ATP13A5: variants seen among roughly 807,000 people sequenced by gnomAD.
The protein encoded by ATP13A5 is probable cation-transporting ATPase 13A5.
A neutral mutation model predicts 150.2 loss-of-function variants in ATP13A5; 149 were observed. That is an observed-to-expected ratio of 0.99 (90% CI 0.87 to 1.14). The LOEUF (loss-of-function observed/expected upper bound fraction) is 1.14. ATP13A5 is among the 50% of genes most tolerant of loss of function. The pLI, the probability that ATP13A5 is intolerant of heterozygous loss-of-function variation, is 0.00. For synonymous variants in ATP13A5, 497 were observed against 522.2 expected, an observed-to-expected ratio of 0.95 and a Z score of 0.66; for missense variants, 1,383 against 1,449.3, an observed-to-expected ratio of 0.95 and a Z score of 0.74.
At chr3:193,311,666 G>T in intron 20 of ATP13A5, 150 bp downstream of exon 20, 1 of 1,157,264 alleles carries the variant, frequency 8.6e-7, no homozygotes, top group African/African-American at 1.6e-5. Context: ...AAAAGGGCCA[G>T]AAAACTTTTT....
rs78188075 is a variant in ATP13A5 at position 193,314,086 on chromosome 3, C to T, written c.2266G>A (p.Ala756Thr). Residue 756 changes from alanine (A) to threonine (T), a missense_variant, in exon 19 of 30, where the codon GCC becomes ACC. Coordinates refer to ENST00000342358, the MANE Select transcript of ATP13A5 (RefSeq NM_198505.4). The stretch of plus-strand genomic sequence containing the variant: ...TCCACCAGCTGCCAGGTCACAGAGG[C>T]AGGAACAAATTCTTCTGGTTCATCG... ...EADEPEEFVP[A>T]SVTWQLVENQ... 0.043 allele frequency: 68,750 copies of T among 1,613,818 alleles called. 1,674 individuals are homozygous for T. Among genetic ancestry groups the T allele is most frequent in the Non-Finnish European group, 0.05 (59,465 of 1,179,840 alleles).
rs575706985 is a variant in ATP13A5, at chr3:193,348,852, C to A, written c.741+2215G>T. Among the ~76,000 whole-genome samples the A allele has an allele frequency of 1.2e-4, 18 of 152,258 alleles. No individual in the cohort carries two copies. In the South Asian group the frequency reaches 2.3e-3, roughly 19 times the overall value. On this transcript the variant is annotated intron_variant, in intron 7 of 29. Coordinates refer to ENST00000342358, the MANE Select transcript of ATP13A5 (RefSeq NM_198505.4). ...AAATTCATGAGTCACTTTGAGATTG[C>A]GCTCAATGGGACAGTGTGTATGTAG...
Position 193,351,058 on chromosome 3 carries a change from A to AG in ATP13A5, c.741+8dup, listed in dbSNP as rs759746685. 4 of 1,612,270 alleles carry AG rather than the reference A, an allele frequency of 2.5e-6. No homozygotes were observed. In the East Asian group the frequency reaches 8.9e-5, roughly 36 times the overall value. On this transcript the variant is annotated intron_variant, in intron 7 of 29. Coordinates refer to ENST00000342358, the MANE Select transcript of ATP13A5 (RefSeq NM_198505.4). ...CTAAATAGAATCTGGCTGTGATTTC[A>AG]GGTCTTACCTGTCGCAAATCATACA... is the stretch of plus-strand genomic sequence containing the variant.
At chr3:193,371,493 T>A (rs1320936648) in intron 1 of ATP13A5, among the ~76,000 whole-genome samples, 1 of 152,198 alleles carries the variant, frequency 6.6e-6, no homozygotes, top group Non-Finnish European at 1.5e-5. Context: ...ATGCTGAGCG[T>A]CTTACAAGAC....
intron 25 of ATP13A5, among the ~76,000 whole-genome samples, chr3:193,297,623 T>C (rs1718224721): frequency 6.6e-6 from 1 of 152,048 alleles, no homozygotes; most frequent in Non-Finnish European, 1.5e-5. Flanking sequence ...TCGTCACCCT[T>C]CTGAGGTTTT....
At chr3:193,346,524 C>T (rs1297579387) in intron 7 of ATP13A5, among the ~76,000 whole-genome samples, 1 of 152,138 alleles carries the variant, frequency 6.6e-6, no homozygotes, top group East Asian at 1.9e-4. Flanking sequence ...TTGGATGCCT[C>T]TAACTGGAAG....
At chr3:193,311,357 G>C (rs1718841868) in intron 20 of ATP13A5, among the ~76,000 whole-genome samples, 1 of 152,136 alleles carries the variant, frequency 6.6e-6, no homozygotes, top group African/African-American at 2.4e-5. Flanking sequence ...TTTAAAACAG[G>C]ACACACAGAG....
At chr3:193,320,480 T>C (rs1719221570) in intron 16 of ATP13A5, among the ~76,000 whole-genome samples, 1 of 152,132 alleles carries the variant, frequency 6.6e-6, no homozygotes, top group African/African-American at 2.4e-5. Flanking sequence ...AAATCCTTAC[T>C]GAGAGAGCAG....
rs1156916752 is a variant in ATP13A5 at position 193,354,186 on chromosome 3, A to G, written c.547T>C (p.Cys183Arg). The change falls in exon 6 of 30, where the codon TGT becomes CGT. Residue 183 changes from cysteine to arginine, a missense_variant. By Grantham distance (180) the Cys-to-Arg change is radical (BLOSUM62 -3). Coordinates refer to ENST00000342358, the MANE Select transcript of ATP13A5 (RefSeq NM_198505.4). The stretch of plus-strand genomic sequence containing the variant: ...TCAACCTCAATGGCGTTGGGCCCAC[A>G]CACTAATCTTCTGCGGGAAATTGAT... Reference protein sequence around the residue: ...SEEQEVRRLVCGPNAIEVEIQ... With the variant: ...SEEQEVRRLVRGPNAIEVEIQ... 4 of 1,611,678 alleles carry G rather than the reference A, an allele frequency of 2.5e-6. No homozygotes were observed. The highest frequency in any genetic ancestry group is 3.4e-5 in the Admixed American group (2 of 59,570).
intron 28 of ATP13A5, 81 bp from the exon 29 acceptor site, chr3:193,276,911 G>T: frequency 9.5e-7 from 1 of 1,047,586 alleles, no homozygotes; most frequent in Non-Finnish European, 1.4e-6. Flanking sequence ...TTAATTTATA[G>T]ATTTGTAATA....
intron 5 of ATP13A5, among the ~76,000 whole-genome samples, chr3:193,358,556 T>C (rs1712880581): frequency 6.6e-6 from 1 of 152,248 alleles, no homozygotes; most frequent in South Asian, 2.1e-4. Flanking sequence ...TGTACTTTAA[T>C]GAAACACTTA....
intron 1 of ATP13A5, among the ~76,000 whole-genome samples, chr3:193,367,952 C>T (rs187638121): frequency 7.6e-5 from 10 of 132,100 alleles, no homozygotes; most frequent in South Asian, 2.3e-4. Flanking sequence ...ACCAGTGCAA[C>T]GCAAGAAATA....
intron 22 of ATP13A5, 112 bp from the exon 23 acceptor site, chr3:193,305,780 T>C: frequency 1.2e-6 from 1 of 858,222 alleles, no homozygotes; most frequent in Non-Finnish European, 1.8e-6. Flanking sequence ...TACTGTTTCA[T>C]CTTTGGGTCT....
chr3:193,358,879 A>C (rs1712893328), intron 5 of ATP13A5, among the ~76,000 whole-genome samples: 1 of 152,172 alleles, frequency 6.6e-6, no homozygotes. Context: ...GGATCCTGCC[A>C]GGGAGATTCT....
chr3:193,276,968 A>G (rs11927848), intron 28 of ATP13A5, 138 bp from the exon 29 acceptor site: 260,478 of 636,986 alleles, frequency 0.41, 56,263 homozygotes, highest in African/African-American at 0.6. Context: ...TTTACAGATA[A>G]TACAACTGAA....
chr3:193,374,442 A>C (rs76151743), intron 1 of ATP13A5, among the ~76,000 whole-genome samples: 3,427 of 152,226 alleles, frequency 0.023, 106 homozygotes, highest in African/African-American at 0.07. Context: ...CAGGAGTTTG[A>C]GACCAGCCTG....
At chr3:193,292,300 A>T (rs1229013742) in intron 25 of ATP13A5, among the ~76,000 whole-genome samples, 1 of 152,110 alleles carries the variant, frequency 6.6e-6, no homozygotes, top group East Asian at 1.9e-4. Flanking sequence ...TAAATTCATA[A>T]AGAGGCTGCA....
At chr3:193,369,389 G>A (rs1172454054) in intron 1 of ATP13A5, among the ~76,000 whole-genome samples, 6 of 152,116 alleles carry the variant, frequency 3.9e-5, no homozygotes, top group Admixed American at 6.6e-5. Context: ...TGGGAGGATC[G>A]TTTGAGCCCA....
intron 24 of ATP13A5, among the ~76,000 whole-genome samples, chr3:193,300,268 G>GT (rs1165338281): frequency 1.3e-5 from 2 of 152,090 alleles, no homozygotes; most frequent in Non-Finnish European, 2.9e-5. Context: ...CGCAGCTTTA[G>GT]TTTTTCTTCT....
Sources: allele counts gnomAD v4.1 joint callset (sites outside exome capture counted in the v4.1 genomes callset), GRCh38; gene constraint gnomAD v4.1.1; transcripts MANE v1.5; gene names NCBI Gene and HGNC (gene_info 2026-07-23, HGNC 2026-07-21).